CTNNA3: variants seen among roughly 807,000 people sequenced by gnomAD.
CTNNA3 encodes the protein catenin alpha-3.
In CTNNA3, 76 loss-of-function variants were observed where a neutral mutation model predicts 95.7. The observed-to-expected ratio is 0.79, with a 90% CI of 0.66 to 0.96. The LOEUF is 0.96. Ranked by LOEUF, CTNNA3 falls within the 40% of genes least tolerant of loss-of-function variation. The pLI is 0.00. For missense variants in CTNNA3, 1,191 were observed against 1,089.8 expected, an observed-to-expected ratio of 1.09 and a Z score of -1.31; for synonymous variants, 431 against 374.4, an observed-to-expected ratio of 1.15 and a Z score of -1.74.
intron 11 of CTNNA3, among the ~76,000 whole-genome samples, chr10:66,436,500 G>GC (rs2093338529): frequency 1.0e-5 from 1 of 96,336 alleles, no homozygotes; most frequent in Non-Finnish European, 2.1e-5. Context: ...TACAATCCCT[G>GC]CTTTTTTTTT....
intron 9 of CTNNA3, among the ~76,000 whole-genome samples, chr10:66,726,364 A>C (rs934915642): frequency 2.6e-5 from 4 of 152,102 alleles, no homozygotes; most frequent in African/African-American, 9.7e-5. Context: ...ATTAATACAT[A>C]AAATTATATG....
chr10:67,210,578 T>C (rs1440329371), intron 6 of CTNNA3, among the ~76,000 whole-genome samples: 22 of 152,134 alleles, frequency 1.4e-4, no homozygotes, highest in Admixed American at 1.4e-3. Context: ...ACATACTTTT[T>C]TGTGGTGACT....
intron 7 of CTNNA3, among the ~76,000 whole-genome samples, chr10:66,797,757 T>G (rs1466263522): frequency 6.6e-6 from 1 of 151,954 alleles, no homozygotes; most frequent in Non-Finnish European, 1.5e-5. Flanking sequence ...TTATTTCATC[T>G]CTATTTGAAG....
intron 7 of CTNNA3, among the ~76,000 whole-genome samples, chr10:67,123,551 T>G (rs916067727): frequency 2.0e-5 from 3 of 152,120 alleles, no homozygotes; most frequent in African/African-American, 7.2e-5. Context: ...CTGCCAGATA[T>G]CTGAACACAT....
chr10:67,561,613 C>T (rs1379973500), intron 3 of CTNNA3, among the ~76,000 whole-genome samples: 1 of 146,396 alleles, frequency 6.8e-6, no homozygotes, highest in South Asian at 2.3e-4. Flanking sequence ...CAAACGCTAG[C>T]AGAAAGCAAG....
At chr10:67,228,352 C>T (rs910415297) in intron 5 of CTNNA3, among the ~76,000 whole-genome samples, 12 of 152,108 alleles carry the variant, frequency 7.9e-5, no homozygotes, top group African/African-American at 2.2e-4. Flanking sequence ...CAGTGGCTCA[C>T]GCCGGTAATC....
chr10:67,463,193 C>G (rs1335245727), intron 5 of CTNNA3, among the ~76,000 whole-genome samples: 2 of 152,102 alleles, frequency 1.3e-5, no homozygotes, highest in Non-Finnish European at 2.9e-5. Flanking sequence ...GCGTTAGCCA[C>G]CACACCCGAC....
intron 13 of CTNNA3, among the ~76,000 whole-genome samples, chr10:66,271,203 T>G (rs1178224560): frequency 6.6e-6 from 1 of 152,172 alleles, no homozygotes; most frequent in Non-Finnish European, 1.5e-5. Context: ...AACTCCATTA[T>G]TTAGTTTACA....
intron 5 of CTNNA3, among the ~76,000 whole-genome samples, chr10:67,224,220 T>C (rs1222329188): frequency 1.3e-5 from 2 of 152,202 alleles, no homozygotes; most frequent in African/African-American, 4.8e-5. Context: ...TAATTGAAAG[T>C]GTATACCCTT....
Position 65,914,778 on chromosome 10 carries a change from TCC to T in CTNNA3, c.*5550_*5551del, listed in dbSNP as rs1365522447. On this transcript the variant is annotated 3_prime_UTR_variant, in exon 18 of 18. Transcript: ENST00000433211. ...AATAAAAGTAATTTGGCAAAGGTTG[TCC>T]TCTTATTTCAGATCACGTAAATAAC... is the stretch of plus-strand genomic sequence containing the variant. 2 of 152,166 alleles carry T rather than the reference TCC, an allele frequency of 1.3e-5. No homozygotes were observed. Among genetic ancestry groups the T allele is most frequent in the Admixed American group, 6.6e-5 (1 of 15,266 alleles). The allele number at this position is 152,166 out of a possible 1,614,324, so 9.4% of individuals were successfully genotyped here. A position where few individuals can be genotyped will look rare whatever the true frequency, so the allele number is the denominator to read the frequency against.
intron 1 of CTNNA3, among the ~76,000 whole-genome samples, chr10:67,656,294 C>G (rs561914995): frequency 1.4e-3 from 217 of 152,256 alleles, no homozygotes; most frequent in African/African-American, 5.0e-3. Context: ...TTTTCAAATG[C>G]TCTTCCTGGA....
intron 3 of CTNNA3, among the ~76,000 whole-genome samples, chr10:67,577,765 C>A (rs889248037): frequency 2.6e-5 from 4 of 151,818 alleles, no homozygotes; most frequent in Admixed American, 2.6e-4. Context: ...TATTGATGGA[C>A]ACTGAGGTTG....
intron 17 of CTNNA3, among the ~76,000 whole-genome samples, chr10:65,955,313 T>C (rs1159581454): frequency 5.3e-5 from 8 of 152,224 alleles, no homozygotes; most frequent in Admixed American, 4.6e-4. Flanking sequence ...TTTCTAACTA[T>C]ACAATCATGT....
At chr10:67,598,369 C>T (rs1842986279) in intron 3 of CTNNA3, among the ~76,000 whole-genome samples, 1 of 152,110 alleles carries the variant, frequency 6.6e-6, no homozygotes, top group African/African-American at 2.4e-5. Context: ...CATCCCTTCC[C>T]TGGGAGCCTC....
rs916664274 is a variant in CTNNA3, at chr10:67,325,004, A to G, written c.580-105134T>C. 5.3e-5 allele frequency among the ~76,000 whole-genome samples: 8 copies of G among 152,124 alleles called. No individual in the cohort carries two copies. The East Asian group carries it at 1.5e-3, about 29-fold the overall frequency. On this transcript the variant is annotated intron_variant, in intron 5 of 17. Coordinates refer to ENST00000433211, the MANE Select transcript of CTNNA3 (RefSeq NM_013266.4). Reference sequence around the variant, plus strand: ...GTCTAGGAATTTATCTGTTTCTTCCAGATTTTCTAGTTTATGTGCTTAGAG... The same window carrying G: ...GTCTAGGAATTTATCTGTTTCTTCCGGATTTTCTAGTTTATGTGCTTAGAG...
At chr10:67,244,360 G>C (rs765874739) in intron 5 of CTNNA3, among the ~76,000 whole-genome samples, 1 of 152,192 alleles carries the variant, frequency 6.6e-6, no homozygotes, top group Non-Finnish European at 1.5e-5. Flanking sequence ...GAAGAATGCA[G>C]ATAAAGATGT....
In CTNNA3 at chr10:66,927,150, T is replaced by C. The variant is rs1240133846; in HGVS notation, c.1048-151626A>G. ...ATAACAGCCTTCAAAAACTTAAGTATAATCAATTTAAAGGGCTCAACCAGC... is the reference window on the plus strand; with the variant it reads ...ATAACAGCCTTCAAAAACTTAAGTACAATCAATTTAAAGGGCTCAACCAGC... On this transcript the variant is annotated intron_variant, in intron 7 of 17. Coordinates refer to ENST00000433211, the MANE Select transcript of CTNNA3 (RefSeq NM_013266.4). This position sits in a 1 kb window ranked among gnomAD's most constrained non-coding sequence, Gnocchi z 4.7. 7 of 1,614,208 alleles carry C rather than the reference T, an allele frequency of 4.3e-6. No homozygotes were observed. The highest frequency in any genetic ancestry group is 5.1e-6 in the Non-Finnish European group (6 of 1,180,036).
intron 11 of CTNNA3, among the ~76,000 whole-genome samples, chr10:66,439,147 C>G (rs1386128261): frequency 6.6e-6 from 1 of 151,980 alleles, no homozygotes; most frequent in Non-Finnish European, 1.5e-5. Flanking sequence ...CAGCCATCTT[C>G]TATTCCTCAT....
chr10:66,286,001 A>G (rs949497571), intron 12 of CTNNA3, among the ~76,000 whole-genome samples: 19 of 151,994 alleles, frequency 1.3e-4, no homozygotes, highest in Non-Finnish European at 2.6e-4. Context: ...TATCCAGTCT[A>G]TGGTTGATGG....
Sources: gnomAD v4.1 joint callset for allele counts (sites outside exome capture counted in the v4.1 genomes callset) on GRCh38, gnomAD v4.1.1 for gene constraint, Gnocchi (gnomAD v3.1) non-coding constraint, MANE v1.5 for transcripts, NCBI Gene and HGNC (gene_info 2026-07-23, HGNC 2026-07-21) for gene names.